Variants in CHST6 observed in about 807,000 individuals in gnomAD.
CHST6 encodes the protein carbohydrate sulfotransferase 6.
For synonymous variants in CHST6, 309 were observed against 276.4 expected (o/e 1.12, Z -1.17); for missense variants, 698 against 586.2 (o/e 1.19, Z -1.97).
At position 75,481,745 on chromosome 16, in the gene CHST6, G is replaced by C. The variant is rs1017024642; in HGVS notation, c.-17+72C>G. On this transcript the variant is annotated intron_variant, in intron 2 of 2. Transcript: ENST00000332272. ...GGTTTGCAAGGAGACCAGCTGAGGC[G>C]GAGCTGGGATGGAGCCAGAGAAGCA... 4 of 454,568 alleles carry C rather than the reference G, an allele frequency of 8.8e-6. No individual in the cohort carries two copies. In the Admixed American group the frequency reaches 1.0e-4, roughly 11 times the overall value. The allele number at this position is 454,568 out of a possible 1,614,324, so 28.2% of individuals were successfully genotyped here.
chr16:75,475,581 G>T lies in CHST6; in HGVS notation c.*3060C>A, dbSNP rs1291396755. The T allele has an allele frequency of 6.6e-6, 1 of 152,224 alleles. No homozygotes were observed. Among genetic ancestry groups the T allele is most frequent in the African/African-American group, 2.4e-5 (1 of 41,444 alleles). The allele number at this position is 152,224 out of a possible 1,614,324, so 9.4% of individuals were successfully genotyped here. A position where few individuals can be genotyped will look rare whatever the true frequency, so the allele number is the denominator to read the frequency against. On this transcript the variant is annotated 3_prime_UTR_variant, in exon 3 of 3. Coordinates refer to ENST00000332272, the MANE Select transcript of CHST6 (RefSeq NM_021615.5). Reference sequence around the variant, plus strand: ...AGACATACGTGATCAGCACAAGTATGTACCTACCCAGCCCTGGCTTTACTG... The same window carrying T: ...AGACATACGTGATCAGCACAAGTATTTACCTACCCAGCCCTGGCTTTACTG...
rs2080115977 is a variant in CHST6, at chr16:75,479,691, C to T, written c.138G>A (p.Leu46=). The change falls in exon 3 of 3, where the codon CTG becomes CTA. Residue 46 remains leucine, a synonymous_variant. Coordinates refer to ENST00000332272, the MANE Select transcript of CHST6 (RefSeq NM_021615.5). ...AGGACGAGCCCGAGCGCCACGAGGA[C>T]AGCACCAGCACATGCACGCGCGCCT... ...GGEARVHVLV[L]SSWRSGSSFV... 1.9e-6 allele frequency: 3 copies of T among 1,611,986 alleles called. No homozygotes were observed. Among genetic ancestry groups the T allele is most frequent in the Non-Finnish European group, 2.5e-6 (3 of 1,179,346 alleles).
intron 1 of CHST6, among the ~76,000 whole-genome samples, chr16:75,484,355 T>C (rs1039255376): frequency 2.1e-4 from 32 of 151,138 alleles, no homozygotes; most frequent in African/African-American, 7.8e-4. Context: ...AATAAATAAA[T>C]AAACAAACAA....
Position 75,478,545 on chromosome 16 carries a change from G to T in CHST6, c.*96C>A. 3 of 1,245,724 alleles carry T rather than the reference G, an allele frequency of 2.4e-6. No homozygotes were observed. The highest frequency in any genetic ancestry group is 3.5e-6 in the Non-Finnish European group (3 of 848,932). The allele number at this position is 1,245,724 out of a possible 1,614,324, so 77.2% of individuals were successfully genotyped here. Reference sequence around the variant, plus strand: ...GGAGGGGTCGTACCACAAACTCCTTGGTCAATATAGGGACCTGCTTCTCCG... The same window carrying T: ...GGAGGGGTCGTACCACAAACTCCTTTGTCAATATAGGGACCTGCTTCTCCG... On this transcript the variant is annotated 3_prime_UTR_variant, in exon 3 of 3. Coordinates refer to ENST00000332272, the MANE Select transcript of CHST6 (RefSeq NM_021615.5).
At chr16:75,488,275 C>T (rs990391918) in intron 1 of CHST6, among the ~76,000 whole-genome samples, 4 of 151,632 alleles carry the variant, frequency 2.6e-5, no homozygotes, top group Non-Finnish European at 4.4e-5. Context: ...ACCAGCCTGG[C>T]CAACATGGTG....
In CHST6 at chr16:75,479,312, G is replaced by A. The variant is rs764287174; in HGVS notation, c.517C>T (p.Leu173Phe). ...EACRSYSHVV[L>F]KEVRFFNLQV... ...AGGTTGAAGAAGCGCACCTCCTTGA[G>A]CACCACGTGGCTGTAGGAGCGGCAG... is the stretch of plus-strand genomic sequence containing the variant. Residue 173 changes from leucine to phenylalanine, a missense_variant, in exon 3 of 3, where the codon CTC (leucine) becomes TTC (phenylalanine). Physicochemically the swap from Leu to Phe is conservative, Grantham distance 22 (BLOSUM62 0). Transcript: ENST00000332272. 4 of 1,613,222 alleles carry A rather than the reference G, an allele frequency of 2.5e-6. No homozygotes were observed. Among genetic ancestry groups the A allele is most frequent in the Admixed American group, 1.7e-5 (1 of 60,024 alleles).
chr16:75,492,827 C>T (rs768884507), intron 1 of CHST6, among the ~76,000 whole-genome samples: 1 of 151,918 alleles, frequency 6.6e-6, no homozygotes, highest in African/African-American at 2.4e-5. Flanking sequence ...CCAGTCTGGG[C>T]GACAGAGAGA....
intron 1 of CHST6, among the ~76,000 whole-genome samples, chr16:75,483,784 G>A (rs1381062993): frequency 6.6e-6 from 1 of 152,188 alleles, no homozygotes; most frequent in Non-Finnish European, 1.5e-5. Flanking sequence ...GGCACTTTGG[G>A]AGGCTGAGGC....
Position 75,473,142 on chromosome 16 carries a change from C to A in CHST6, c.*5499G>T, listed in dbSNP as rs1184618484. 1 of 152,300 alleles carries A rather than the reference C, an allele frequency of 6.6e-6. No individual in the cohort carries two copies. Among genetic ancestry groups the A allele is most frequent in the Non-Finnish European group, 1.5e-5 (1 of 68,078 alleles). 9.4% of individuals were successfully genotyped at this position (152,300 alleles called of 1,614,324 possible). A position where few individuals can be genotyped will look rare whatever the true frequency, so the allele number is the denominator to read the frequency against. On this transcript the variant is annotated 3_prime_UTR_variant, in exon 3 of 3. Coordinates refer to ENST00000332272, the MANE Select transcript of CHST6 (RefSeq NM_021615.5). ...ACTCAAATGACTGAAACACAATAAG[C>A]ACTTTTATTGCTCCTAAAGTCTTCG...
At chr16:75,492,791 G>C (rs1378293354) in intron 1 of CHST6, among the ~76,000 whole-genome samples, 1 of 152,108 alleles carries the variant, frequency 6.6e-6, no homozygotes, top group Non-Finnish European at 1.5e-5. Flanking sequence ...CGAAGCTGCA[G>C]TGAGCTGAGA....
chr16:75,488,772 T>C (rs1478947810), intron 1 of CHST6, among the ~76,000 whole-genome samples: 1 of 149,634 alleles, frequency 6.7e-6, no homozygotes, highest in Non-Finnish European at 1.5e-5. Context: ...TCACATGAGG[T>C]CTGTAATGGG....
chr16:75,484,975 C>T (rs1331871307), intron 1 of CHST6, among the ~76,000 whole-genome samples: 1 of 152,200 alleles, frequency 6.6e-6, no homozygotes, highest in African/African-American at 2.4e-5. Flanking sequence ...AGCACAAGGC[C>T]AGTCAGGCAG....
chr16:75,489,694 G>C (rs1376334162), intron 1 of CHST6, among the ~76,000 whole-genome samples: 1 of 151,894 alleles, frequency 6.6e-6, no homozygotes, highest in Non-Finnish European at 1.5e-5. Flanking sequence ...TCTACAGAAT[G>C]GGACTTGTAC....
At chr16:75,492,279 C>A (rs1216864177) in intron 1 of CHST6, among the ~76,000 whole-genome samples, 1 of 152,218 alleles carries the variant, frequency 6.6e-6, no homozygotes, top group African/African-American at 2.4e-5. Context: ...TCAAACAGCA[C>A]CTGCCTTGGT....
chr16:75,479,908 C>A, intron 2 of CHST6, 64 bp from the exon 3 acceptor site: 1 of 1,402,754 alleles, frequency 7.1e-7, no homozygotes, highest in South Asian at 1.3e-5. Flanking sequence ...ACCCCACTGC[C>A]CAGTGCCCGC....
At chr16:75,482,282 T>C (rs1474587825) in intron 1 of CHST6, among the ~76,000 whole-genome samples, 3 of 152,036 alleles carry the variant, frequency 2.0e-5, no homozygotes, top group Non-Finnish European at 4.4e-5. Flanking sequence ...GGTATGGAGG[T>C]TCATGCTGGT....
At chr16:75,489,255 T>C (rs1385182914) in intron 1 of CHST6, among the ~76,000 whole-genome samples, 1 of 151,510 alleles carries the variant, frequency 6.6e-6, no homozygotes, top group East Asian at 2.0e-4. Context: ...AAAAATTAGC[T>C]AGGCGTGGTG....
intron 1 of CHST6, among the ~76,000 whole-genome samples, chr16:75,494,665 G>A (rs2080290597): frequency 6.6e-6 from 1 of 152,224 alleles, no homozygotes; most frequent in African/African-American, 2.4e-5. Context: ...TGAAAGTCAT[G>A]TCCTTTGAAA....
In CHST6 at chr16:75,479,311, A is replaced by G. The variant is rs763075517; in HGVS notation, c.518T>C (p.Leu173Pro). The G allele has an allele frequency of 2.5e-6, 4 of 1,613,050 alleles. No individual in the cohort carries two copies. In the Admixed American group the frequency reaches 6.7e-5, roughly 27 times the overall value. The change falls in exon 3 of 3, where the codon CTC becomes CCC. Residue 173 changes from leucine to proline, a missense_variant. Physicochemically the swap from Leu to Pro is moderately conservative, Grantham distance 98 (BLOSUM62 -3). Coordinates refer to ENST00000332272, the MANE Select transcript of CHST6 (RefSeq NM_021615.5). ...EACRSYSHVV[L>P]KEVRFFNLQV... ...CAGGTTGAAGAAGCGCACCTCCTTG[A>G]GCACCACGTGGCTGTAGGAGCGGCA...
Sources: gnomAD v4.1 joint callset for allele counts (sites outside exome capture counted in the v4.1 genomes callset) on GRCh38, gnomAD v4.1.1 for gene constraint, MANE v1.5 for transcripts, NCBI Gene and HGNC (gene_info 2026-07-23, HGNC 2026-07-21) for gene names.